The following XRCC5 variants were observed in gnomAD, a reference collection of about 807,000 sequenced individuals.
The protein encoded by XRCC5 is DNA repair protein Ku80.
In XRCC5, 12 loss-of-function variants were observed where a neutral mutation model predicts 95.7. That is an observed-to-expected ratio of 0.13 (90% CI 0.08 to 0.20). XRCC5 has a LOEUF of 0.20. Ranked by LOEUF, XRCC5 falls within the 10% of genes least tolerant of loss-of-function variation. The probability of loss-of-function intolerance (pLI) is 1.00; values close to 1 mark genes in which losing one functional copy is unlikely to be tolerated. For missense variants in XRCC5, 595 were observed against 873.9 expected (o/e 0.68, Z 4.02); for synonymous variants, 281 against 290.3 (o/e 0.97, Z 0.33).
At chr2:216,194,817 A>AG in intron 18 of XRCC5, 102 bp from the exon 19 acceptor site, 4 of 1,115,988 alleles carry the variant, frequency 3.6e-6, no homozygotes, top group Non-Finnish European at 4.0e-6. Context: ...TTTAAAAAAA[A>AG]GAAATCTTCA....
rs752045300 is a variant in XRCC5, at chr2:216,126,010, A to G, written c.777A>G (p.Ile259Met). The G allele has an allele frequency of 6.2e-7, 1 of 1,613,716 alleles. No individual in the cohort carries two copies. Among genetic ancestry groups the G allele is most frequent in the Admixed American group, 1.7e-5 (1 of 60,010 alleles). ...CRLTIGSNLS[I>M]RIAAYKSILQ... is the part of the protein sequence containing the mutation. Reference sequence around the variant, plus strand: ...TGACCATTGGCTCCAATTTGTCTATAAGGATTGCAGCCTATAAATCGGTAA... The same window carrying G: ...TGACCATTGGCTCCAATTTGTCTATGAGGATTGCAGCCTATAAATCGGTAA... The change falls in exon 7 of 21, where the codon ATA becomes ATG. Residue 259 changes from isoleucine to methionine, a missense_variant. By Grantham distance (10) the Ile-to-Met change is conservative. This residue lies in a region of XRCC5 where 286 missense variants were observed against 491.1 expected (regional missense o/e 0.58). Coordinates refer to ENST00000392132, the MANE Select transcript of XRCC5 (RefSeq NM_021141.4).
chr2:216,156,769 CTA>C (rs1688851351), intron 14 of XRCC5: 1 of 530,158 alleles, frequency 1.9e-6, no homozygotes, highest in African/African-American at 1.9e-5. Flanking sequence ...GGAACAAAGT[CTA>C]TGTCCATGAG....
intron 16 of XRCC5, among the ~76,000 whole-genome samples, chr2:216,182,222 C>T (rs1014296291): frequency 8.5e-5 from 13 of 152,178 alleles, no homozygotes; most frequent in African/African-American, 9.7e-5. Context: ...CTGATACCTG[C>T]GTTTCAGTTC....
chr2:216,127,958 A>G (rs1159075024), intron 8 of XRCC5: 1 of 178,474 alleles, frequency 5.6e-6, no homozygotes, highest in Non-Finnish European at 1.2e-5. Context: ...GAAACTCACT[A>G]GCTAGGAGCA....
Position 216,144,772 on chromosome 2 carries a change from C to T in XRCC5, c.1477-3311C>T, listed in dbSNP as rs76664496. Among the ~76,000 whole-genome samples the T allele has an allele frequency of 7.4e-3, 1,126 of 152,250 alleles. 7 individuals are homozygous for T. The highest frequency in any genetic ancestry group is 0.026 in the African/African-American group (1,060 of 41,538). On this transcript the variant is annotated intron_variant, in intron 13 of 20. Transcript: ENST00000392132. ...CAGGTCTAAACACAGATTTGAGAGT[C>T]CTCCTCATTGAGGCAGAAAGACAAG...
chr2:216,151,379 A>G (rs1328054389), intron 14 of XRCC5, among the ~76,000 whole-genome samples: 1 of 152,204 alleles, frequency 6.6e-6, no homozygotes, highest in Non-Finnish European at 1.5e-5. Flanking sequence ...CAGCTGATGT[A>G]TACGTGATCT....
intron 9 of XRCC5, among the ~76,000 whole-genome samples, chr2:216,131,818 G>A (rs1380083170): frequency 2.0e-5 from 3 of 152,110 alleles, no homozygotes; most frequent in African/African-American, 7.2e-5. Flanking sequence ...TACTCCAAGA[G>A]CAGTTCTCCA....
At chr2:216,175,716 C>G (rs949171221) in intron 16 of XRCC5, 1 of 445,266 alleles carries the variant, frequency 2.2e-6, no homozygotes, top group Non-Finnish European at 4.3e-6. Flanking sequence ...TGGTTCCACT[C>G]CACACCCATC....
chr2:216,181,596 T>C (rs3770500), intron 16 of XRCC5, among the ~76,000 whole-genome samples: 1 of 152,126 alleles, frequency 6.6e-6, no homozygotes, highest in Non-Finnish European at 1.5e-5. Flanking sequence ...GCTTGTGATT[T>C]GAGAACCGGT....
In XRCC5 at chr2:216,205,212, G is replaced by A. The variant is rs1194880845; in HGVS notation, c.*10G>A. 3.7e-6 allele frequency: 6 copies of A among 1,614,012 alleles called. No homozygotes were observed. Among genetic ancestry groups the A allele is most frequent in the East Asian group, 2.2e-5 (1 of 44,884 alleles). ...GTTGGACATGATATAGGTCGTGGATGTATGGGGAATCTAAGAGAGCTGCCA... is the reference window on the plus strand; with the variant it reads ...GTTGGACATGATATAGGTCGTGGATATATGGGGAATCTAAGAGAGCTGCCA... On this transcript the variant is annotated 3_prime_UTR_variant, in exon 21 of 21. Transcript: ENST00000392132.
chr2:216,118,882 T>G (rs923504174), intron 4 of XRCC5, among the ~76,000 whole-genome samples, 161 bp from the exon 5 acceptor site: 27 of 152,228 alleles, frequency 1.8e-4, no homozygotes, highest in Admixed American at 1.3e-3. Flanking sequence ...CAGGGTTGAT[T>G]ATGAATTTAA....
At chr2:216,174,343 A>G (rs1316015166) in intron 16 of XRCC5, among the ~76,000 whole-genome samples, 1 of 152,238 alleles carries the variant, frequency 6.6e-6, no homozygotes, top group Non-Finnish European at 1.5e-5. Context: ...TGGGGACAGT[A>G]GATTCCCCTT....
chr2:216,185,805 A>C (rs1244554772), intron 16 of XRCC5, among the ~76,000 whole-genome samples: 2 of 150,842 alleles, frequency 1.3e-5, no homozygotes, highest in Non-Finnish European at 2.9e-5. Flanking sequence ...TTGTATTTTT[A>C]GTAGAGACAG....
Position 216,119,082 on chromosome 2 carries a change from T to C in XRCC5, c.408T>C (p.Thr136=). 2.5e-6 allele frequency: 4 copies of C among 1,614,158 alleles called. No homozygotes were observed. Among genetic ancestry groups the C allele is most frequent in the Non-Finnish European group, 3.4e-6 (4 of 1,179,978 alleles). The change falls in exon 5 of 21, where the codon ACT becomes ACC. Residue 136 remains threonine, a synonymous_variant. Transcript: ENST00000392132. ...KFEKRHIEIF[T]DLSSRFSKSQ... ...AGAAGAGGCATATTGAAATATTCAC[T>C]GACCTCAGCAGCCGATTCAGCAAAA...
At chr2:216,133,367 A>G (rs1207001002) in intron 10 of XRCC5, among the ~76,000 whole-genome samples, 3 of 152,222 alleles carry the variant, frequency 2.0e-5, no homozygotes, top group African/African-American at 7.2e-5. Flanking sequence ...TTAAGAGACA[A>G]GATCTCATAT....
At chr2:216,156,208 A>G in intron 14 of XRCC5, 1 of 425,046 alleles carries the variant, frequency 2.4e-6, no homozygotes, top group Non-Finnish European at 4.5e-6. Context: ...CTTCCATATG[A>G]GTCCTTGTGA....
intron 14 of XRCC5, among the ~76,000 whole-genome samples, chr2:216,148,757 A>C (rs1411437279): frequency 6.6e-6 from 1 of 152,106 alleles, no homozygotes; most frequent in Non-Finnish European, 1.5e-5. Flanking sequence ...TGTATCAGTG[A>C]TGTATTTGGT....
chr2:216,163,441 C>T (rs1688990799), intron 16 of XRCC5, among the ~76,000 whole-genome samples: 1 of 151,870 alleles, frequency 6.6e-6, no homozygotes. Flanking sequence ...AGTTGCATAC[C>T]CCCACGCCCG....
In XRCC5 at chr2:216,122,140, T is replaced by C. The variant is rs1159770023; in HGVS notation, c.570T>C (p.Pro190=). ...DGPFRLGGHG[P]SFPLKGITEQ... ...CCTTTCGCTTAGGTGGCCATGGGCC[T>C]TCCTTTCCACTAAAAGGAATTACCG... Residue 190 remains proline, a synonymous_variant, in exon 6 of 21, where the codon CCT becomes CCC. Coordinates refer to ENST00000392132, the MANE Select transcript of XRCC5 (RefSeq NM_021141.4). 17 of 1,614,200 alleles carry C rather than the reference T, an allele frequency of 1.1e-5. No individual in the cohort carries two copies. Among genetic ancestry groups the C allele is most frequent in the Non-Finnish European group, 1.4e-5 (17 of 1,180,018 alleles).
Sources: gnomAD v4.1 joint callset for allele counts (sites outside exome capture counted in the v4.1 genomes callset) on GRCh38, gnomAD v4.1.1 for gene constraint, gnomAD v4.1.1 regional missense constraint, MANE v1.5 for transcripts, NCBI Gene and HGNC (gene_info 2026-07-23, HGNC 2026-07-21) for gene names.